KCP: variants seen among roughly 807,000 people sequenced by gnomAD.
KCP encodes the protein kielin/chordin-like protein.
KCP carries 194 observed loss-of-function variants against 212.7 expected under a neutral mutation model. The observed-to-expected ratio is 0.91, with a 90% CI of 0.81 to 1.03. The LOEUF is 1.03. Among genes scored for constraint, KCP ranks in the 50% least tolerant of loss-of-function variants. KCP has a pLI of 0.00. For missense variants in KCP, 2,080 were observed against 2,162.5 expected (o/e 0.96, Z 0.76); for synonymous variants, 833 against 865.3 (o/e 0.96, Z 0.65).
At chr7:128,902,729 G>T in intron 8 of KCP, 48 bp downstream of exon 8, 1 of 1,468,530 alleles carries the variant, frequency 6.8e-7, no homozygotes, top group Non-Finnish European at 9.3e-7. Context: ...AATACAGTGG[G>T]CCTGAGGGCA....
chr7:128,891,177 G>A lies in KCP; in HGVS notation c.1972+8C>T, dbSNP rs1248607731. 7 of 1,542,044 alleles carry A rather than the reference G, an allele frequency of 4.5e-6. No homozygotes were observed. The highest frequency in any genetic ancestry group is 3.9e-5 in the Admixed American group (2 of 50,954). On this transcript the variant is annotated splice_region_variant and intron_variant, in intron 19 of 39. Coordinates refer to ENST00000610776, the MANE Select transcript of KCP (RefSeq NM_001366122.1). ...CAGGGAGGAGCAGCCGAGGGGTGCG[G>A]CCCCTACCTGGGCACTGCGGGCAGC...
At position 128,877,667 on chromosome 7, in the gene KCP, G is replaced by A; in HGVS notation, c.4435C>T (p.Pro1479Ser). ...NARCGVLKSS[P>S]FSRCHAVVPP... ...ACCACAGCATGGCAGCGACTGAATG[G>A]GGAGGACTTCAGCACCCCACACCGG... Residue 1479 changes from proline (P) to serine (S), a missense_variant, in exon 39 of 40, where the codon CCA (proline) becomes TCA (serine). Coordinates refer to ENST00000610776, the MANE Select transcript of KCP (RefSeq NM_001366122.1). 6.4e-7 allele frequency: 1 copy of A among 1,551,556 alleles called. No homozygotes were observed. Among genetic ancestry groups the A allele is most frequent in the Non-Finnish European group, 8.7e-7 (1 of 1,146,982 alleles).
intron 34 of KCP, 22 bp downstream of exon 34, chr7:128,880,364 C>T: frequency 6.7e-7 from 1 of 1,501,826 alleles, no homozygotes; most frequent in South Asian, 1.3e-5. Context: ...CCCTCCCCAC[C>T]ATTTTAGATT....
At chr7:128,899,100 T>C (rs1198789424) in intron 8 of KCP, among the ~76,000 whole-genome samples, 1 of 152,234 alleles carries the variant, frequency 6.6e-6, no homozygotes, top group African/African-American at 2.4e-5. Flanking sequence ...TTGTCAAATA[T>C]GAAATGGTAT....
intron 3 of KCP, 31 bp downstream of exon 3, chr7:128,907,233 G>A: frequency 6.5e-7 from 1 of 1,537,252 alleles, no homozygotes. Flanking sequence ...GTCTTTAGGT[G>A]GCCCCAGTGG....
intron 5 of KCP, among the ~76,000 whole-genome samples, chr7:128,904,928 T>C (rs1795048063): frequency 6.6e-6 from 1 of 152,212 alleles, no homozygotes; most frequent in Non-Finnish European, 1.5e-5. Context: ...TTTTAAAATT[T>C]CACCAAAGAC....
intron 20 of KCP, 22 bp downstream of exon 20, chr7:128,890,883 A>AG: frequency 3.2e-6 from 4 of 1,244,624 alleles, no homozygotes; most frequent in East Asian, 3.2e-5. Context: ...GGTGGCCGGG[A>AG]GGGGCACCGC....
chr7:128,889,679 T>G (rs950220962), intron 21 of KCP, among the ~76,000 whole-genome samples: 2 of 152,220 alleles, frequency 1.3e-5, no homozygotes, highest in Admixed American at 6.5e-5. Flanking sequence ...AACTCCTTTC[T>G]AAATCAAATT....
intron 34 of KCP, 134 bp from the exon 35 acceptor site, chr7:128,880,219 G>A: frequency 1.6e-6 from 2 of 1,279,106 alleles, no homozygotes; most frequent in South Asian, 3.1e-5. Context: ...CTCCCTGTGA[G>A]TGAGGTCAGG....
Position 128,877,216 on chromosome 7 carries a change from G to T in KCP, c.4714C>A (p.Leu1572Met). ...CFNQHIPLGE[L>M]AAHCVRPCVP... Reference sequence around the variant, plus strand: ...CAGGGCCTCACGCAGTGGGCTGCCAGCTCCCCCAGGGGGATATGCTGATTG... The same window carrying T: ...CAGGGCCTCACGCAGTGGGCTGCCATCTCCCCCAGGGGGATATGCTGATTG... Residue 1572 changes from leucine to methionine, a missense_variant, in exon 40 of 40, where the codon CTG (leucine) becomes ATG (methionine). Coordinates refer to ENST00000610776, the MANE Select transcript of KCP (RefSeq NM_001366122.1). The T allele has an allele frequency of 2.7e-6, 4 of 1,476,740 alleles. No homozygotes were observed. The highest frequency in any genetic ancestry group is 3.6e-6 in the Non-Finnish European group (4 of 1,114,006). The allele number at this position is 1,476,740 out of a possible 1,614,324, so 91.5% of individuals were successfully genotyped here. A position where few individuals can be genotyped will look rare whatever the true frequency, so the allele number is the denominator to read the frequency against.
chr7:128,899,233 A>G (rs1456047027), intron 8 of KCP, among the ~76,000 whole-genome samples: 1 of 152,244 alleles, frequency 6.6e-6, no homozygotes, highest in Non-Finnish European at 1.5e-5. Flanking sequence ...TTGTTATGTG[A>G]AATTATTATA....
intron 20 of KCP, 80 bp downstream of exon 20, chr7:128,890,825 A>AGG (rs1585219914): frequency 9.1e-7 from 1 of 1,099,806 alleles, no homozygotes; most frequent in East Asian, 3.0e-5. Context: ...GCCTGGAGGA[A>AGG]GGGGACTGGG....
At chr7:128,882,177 T>C (rs2128944755) in intron 29 of KCP, among the ~76,000 whole-genome samples, 161 bp from the exon 30 acceptor site, 1 of 152,322 alleles carries the variant, frequency 6.6e-6, no homozygotes, top group Non-Finnish European at 1.5e-5. Flanking sequence ...CTCTTTCTCT[T>C]CAATTCAGTC....
chr7:128,891,438 G>GCGTCGCTCCACTCCCCT lies in KCP; in HGVS notation c.1878+12_1878+13insAGGGGAGTGGAGCGACG. On this transcript the variant is annotated intron_variant, in intron 18 of 39. Transcript: ENST00000610776. ...CACTCCCCTGGGCGCCTCCCACCCA[G>GCGTCGCTCCACTCCCCT]GTGCAGACTCACCAGACAGCGACAC... 1 of 1,550,146 alleles carries GCGTCGCTCCACTCCCCT rather than the reference G, an allele frequency of 6.5e-7. No homozygotes were observed. Among genetic ancestry groups the GCGTCGCTCCACTCCCCT allele is most frequent in the Non-Finnish European group, 8.7e-7 (1 of 1,146,566 alleles).
intron 2 of KCP, 52 bp downstream of exon 2, chr7:128,908,374 A>T: frequency 6.6e-7 from 1 of 1,509,158 alleles, no homozygotes; most frequent in Non-Finnish European, 8.9e-7. Flanking sequence ...TCTCCCTCCC[A>T]CTATGAGAAG....
chr7:128,882,383 C>G (rs531330748), intron 29 of KCP, among the ~76,000 whole-genome samples: 2 of 152,296 alleles, frequency 1.3e-5, no homozygotes, highest in East Asian at 3.9e-4. Flanking sequence ...CACAGCCAGG[C>G]ATCCCGGGTT....
intron 7 of KCP, chr7:128,903,312 C>T: frequency 3.5e-6 from 1 of 281,902 alleles, no homozygotes; most frequent in Non-Finnish European, 6.7e-6. Context: ...CCCTCCTGTG[C>T]CCAGGCTGGA....
rs1261781752 is a variant in KCP at position 128,888,912 on chromosome 7, G to T, written c.2463C>A (p.Gly821=). The change falls in exon 22 of 40, where the codon GGC becomes GGA. Residue 821 remains glycine, a synonymous_variant. Transcript: ENST00000610776. ...TCGRRPCEPP[G]CSHPLIPSGH... is the part of the protein sequence containing the mutation. ...CAGAGGGGATGAGTGGGTGGCTGCA[G>T]CCCGGAGGCTCACAGGGCCGGCGGC... is the stretch of plus-strand genomic sequence containing the variant. 6.4e-7 allele frequency: 1 copy of T among 1,550,676 alleles called. No homozygotes were observed. The highest frequency in any genetic ancestry group is 8.7e-7 in the Non-Finnish European group (1 of 1,146,824).
Position 128,907,095 on chromosome 7 carries a change from G to A in KCP, c.486+6C>T, listed in dbSNP as rs1281101027. On this transcript the variant is annotated splice_donor_region_variant and intron_variant, in intron 4 of 39. Coordinates refer to ENST00000610776, the MANE Select transcript of KCP (RefSeq NM_001366122.1). ...AGGGATATCCAGGTAGGTCCTGGGA[G>A]CTTACCAGACAGCGGCAGGTGGTGC... The A allele has an allele frequency of 6.4e-7, 1 of 1,550,928 alleles. No individual in the cohort carries two copies. The highest frequency in any genetic ancestry group is 2.4e-5 in the East Asian group (1 of 40,910).
Sources: allele counts gnomAD v4.1 joint callset (sites outside exome capture counted in the v4.1 genomes callset), GRCh38; gene constraint gnomAD v4.1.1; transcripts MANE v1.5; gene names NCBI Gene and HGNC (gene_info 2026-07-23, HGNC 2026-07-21).